DSCAM: variants seen among roughly 807,000 people sequenced by gnomAD.
DSCAM encodes the protein DS cell adhesion molecule.
DSCAM carries 47 observed loss-of-function variants against 217.7 expected under a neutral mutation model. The ratio of observed to expected loss-of-function variants is 0.22; its 90% CI spans 0.17 to 0.28. The LOEUF (loss-of-function observed/expected upper bound fraction) is 0.28. Ranked by LOEUF, DSCAM falls within the 10% of genes least tolerant of loss-of-function variation. The pLI is 1.00. For missense variants in DSCAM, 2,080 were observed against 2,618.3 expected (o/e 0.79, Z 4.49); for synonymous variants, 1,056 against 1,015.3 (o/e 1.04, Z -0.76).
intron 14 of DSCAM, among the ~76,000 whole-genome samples, chr21:40,182,225 C>T (rs769517910): frequency 3.7e-4 from 56 of 152,156 alleles, no homozygotes; most frequent in East Asian, 1.4e-3. Flanking sequence ...GGAGAGGGAG[C>T]GGGCCCTTCA....
chr21:40,764,326 CA>C (rs143273195), intron 1 of DSCAM, among the ~76,000 whole-genome samples: 5,038 of 125,972 alleles, frequency 0.04, 202 homozygotes, highest in African/African-American at 0.14. Context: ...TTTATGCCGC[CA>C]AAAAAAAAAA....
intron 19 of DSCAM, among the ~76,000 whole-genome samples, chr21:40,133,453 A>G (rs893188657): frequency 6.6e-6 from 1 of 152,176 alleles, no homozygotes; most frequent in African/African-American, 2.4e-5. Context: ...TCTGTACATA[A>G]TTTTCAAGAA....
At chr21:40,437,577 G>A (rs529272132) in intron 3 of DSCAM, among the ~76,000 whole-genome samples, 1 of 152,140 alleles carries the variant, frequency 6.6e-6, no homozygotes, top group Non-Finnish European at 1.5e-5. Flanking sequence ...CCAGCCAGGG[G>A]TGGTGGCTCA....
At chr21:40,086,567 G>A (rs183225762) in intron 22 of DSCAM, among the ~76,000 whole-genome samples, 90 of 152,080 alleles carry the variant, frequency 5.9e-4, no homozygotes, top group Admixed American at 1.5e-3. Flanking sequence ...ATGAATTTTC[G>A]ACCCTTAACT....
chr21:40,581,229 G>A (rs1190167573), intron 3 of DSCAM, among the ~76,000 whole-genome samples: 1 of 152,182 alleles, frequency 6.6e-6, no homozygotes, highest in Non-Finnish European at 1.5e-5. Context: ...TCAAGGAGGT[G>A]GCGGGAAACC....
chr21:40,471,302 G>A (rs903249924), intron 3 of DSCAM, among the ~76,000 whole-genome samples: 3 of 152,134 alleles, frequency 2.0e-5, no homozygotes, highest in Non-Finnish European at 4.4e-5. Context: ...AAGGAAGCAG[G>A]GGGAAGTGAA....
intron 3 of DSCAM, among the ~76,000 whole-genome samples, chr21:40,613,542 C>T (rs987452351): frequency 1.3e-5 from 2 of 152,122 alleles, no homozygotes; most frequent in African/African-American, 4.8e-5. Flanking sequence ...CTGTCCTGTG[C>T]CTCATTAATT....
At chr21:40,088,526 C>A (rs1217809800) in intron 21 of DSCAM, among the ~76,000 whole-genome samples, 1 of 152,148 alleles carries the variant, frequency 6.6e-6, no homozygotes, top group Non-Finnish European at 1.5e-5. Context: ...AAAGAAAATG[C>A]CAGAGGGCTT....
At chr21:40,032,794 C>A (rs2088552660) in intron 32 of DSCAM, among the ~76,000 whole-genome samples, 1 of 152,124 alleles carries the variant, frequency 6.6e-6, no homozygotes, top group Non-Finnish European at 1.5e-5. Flanking sequence ...CTTACTTTTG[C>A]ATCAATATCC....
At chr21:40,369,385 CGTGTGTGTGT>C (rs35564463) in intron 3 of DSCAM, 140 bp from the exon 4 acceptor site, 172 of 385,480 alleles carry the variant, frequency 4.5e-4, no homozygotes, top group African/African-American at 1.6e-3. Context: ...CGTGCGTCTG[CGTGTGTGTGT>C]GTGTGTGTGT....
chr21:40,292,864 T>C (rs888397982), intron 10 of DSCAM, among the ~76,000 whole-genome samples: 4 of 151,968 alleles, frequency 2.6e-5, no homozygotes, highest in Non-Finnish European at 5.9e-5. Flanking sequence ...GCCTCCTGAG[T>C]AGCTGGGACT....
intron 3 of DSCAM, among the ~76,000 whole-genome samples, chr21:40,498,134 A>T (rs948920181): frequency 6.6e-6 from 1 of 152,132 alleles, no homozygotes; most frequent in African/African-American, 2.4e-5. Context: ...ACTCTGTGTC[A>T]TTGGGCTGCT....
chr21:40,457,520 T>A (rs559717031), intron 3 of DSCAM, among the ~76,000 whole-genome samples: 5 of 142,222 alleles, frequency 3.5e-5, no homozygotes, highest in Admixed American at 1.5e-4. Context: ...TCAAAAAAAA[T>A]AATAAAATAA....
At chr21:40,216,373 C>G (rs1279016080) in intron 11 of DSCAM, among the ~76,000 whole-genome samples, 1 of 152,056 alleles carries the variant, frequency 6.6e-6, no homozygotes, top group Non-Finnish European at 1.5e-5. Flanking sequence ...CTCGGCCTCC[C>G]AAAGCTCTGG....
chr21:40,188,290 T>C (rs941022919), intron 12 of DSCAM, among the ~76,000 whole-genome samples: 1 of 152,202 alleles, frequency 6.6e-6, no homozygotes, highest in Non-Finnish European at 1.5e-5. Context: ...GTGTAATTTA[T>C]ATAAGATGTC....
chr21:40,582,946 A>G (rs2076916865), intron 3 of DSCAM, among the ~76,000 whole-genome samples: 1 of 152,150 alleles, frequency 6.6e-6, no homozygotes, highest in Admixed American at 6.5e-5. Context: ...TGGAAAAGCA[A>G]TCCGATATTT....
At chr21:40,795,959 CA>C (rs1382537970) in intron 1 of DSCAM, among the ~76,000 whole-genome samples, 14 of 152,042 alleles carry the variant, frequency 9.2e-5, no homozygotes, top group Admixed American at 9.2e-4. Flanking sequence ...AGTATGAGAA[CA>C]AAAACAAAAG....
At chr21:40,776,049 A>G (rs1428055629) in intron 1 of DSCAM, among the ~76,000 whole-genome samples, 1 of 152,138 alleles carries the variant, frequency 6.6e-6, no homozygotes, top group Non-Finnish European at 1.5e-5. Flanking sequence ...TGTTATGCTC[A>G]TGTGACTATC....
At chr21:40,801,624 T>A (rs1264529024) in intron 1 of DSCAM, among the ~76,000 whole-genome samples, 1 of 152,198 alleles carries the variant, frequency 6.6e-6, no homozygotes, top group Non-Finnish European at 1.5e-5. Context: ...ACCAGAGGAC[T>A]CTGTTTCCTG....
Sources: gnomAD v4.1 joint callset for allele counts (sites outside exome capture counted in the v4.1 genomes callset) on GRCh38, gnomAD v4.1.1 for gene constraint, MANE v1.5 for transcripts, NCBI Gene and HGNC (gene_info 2026-07-23, HGNC 2026-07-21) for gene names.